WDPCP: variants seen among roughly 807,000 people sequenced by gnomAD.
WDPCP encodes the protein WD repeat-containing and planar cell polarity effector protein fritz homolog.
Under a neutral mutation model 93.1 loss-of-function variants are expected in WDPCP, and 71 were observed. The ratio of observed to expected loss-of-function variants is 0.76; its 90% CI spans 0.63 to 0.93. WDPCP has a LOEUF of 0.93. Ranked by LOEUF, WDPCP falls within the 40% of genes least tolerant of loss-of-function variation. WDPCP has a pLI of 0.00. For synonymous variants in WDPCP, 315 were observed against 315.0 expected, an observed-to-expected ratio of 1.00 and a Z score of 0.00; for missense variants, 844 against 887.4, an observed-to-expected ratio of 0.95 and a Z score of 0.62.
chr2:63,388,447 A>G lies in WDPCP; in HGVS notation c.1436-6353T>C, dbSNP rs1692930254. Among the ~76,000 whole-genome samples the G allele has an allele frequency of 2.0e-5, 3 of 152,232 alleles. No individual in the cohort carries two copies. The East Asian group carries it at 5.8e-4, about 29-fold the overall frequency. Reference sequence around the variant, plus strand: ...AAAACCACAGAGATGAGGAGAAATCAGAACAGAAAAGCTGAAAATTCTAAA... The same window carrying G: ...AAAACCACAGAGATGAGGAGAAATCGGAACAGAAAAGCTGAAAATTCTAAA... On this transcript the variant is annotated intron_variant, in intron 10 of 17. Coordinates refer to ENST00000272321, the MANE Select transcript of WDPCP (RefSeq NM_015910.7).
chr2:63,132,913 T>G (rs954012954), intron 17 of WDPCP, among the ~76,000 whole-genome samples: 37 of 152,198 alleles, frequency 2.4e-4, no homozygotes, highest in Non-Finnish European at 5.4e-4. Context: ...TTTCTTTTTA[T>G]GCATTGTGAT....
chr2:63,772,030 T>C (rs187050982), intron 2 of WDPCP, among the ~76,000 whole-genome samples: 2 of 152,180 alleles, frequency 1.3e-5, no homozygotes, highest in African/African-American at 2.4e-5. Flanking sequence ...GTCTTTTTTG[T>C]AGAATGACTT....
intron 6 of WDPCP, among the ~76,000 whole-genome samples, chr2:63,473,397 G>A (rs1699796961): frequency 6.6e-6 from 1 of 152,102 alleles, no homozygotes; most frequent in Admixed American, 6.6e-5. Flanking sequence ...TTCAAGTCCA[G>A]AAACCCTGTG....
intron 2 of WDPCP, among the ~76,000 whole-genome samples, chr2:63,806,607 T>C (rs910385362): frequency 6.6e-6 from 1 of 152,150 alleles, no homozygotes; most frequent in Admixed American, 6.5e-5. Context: ...GGGAGCGCTA[T>C]GGGAGACGAG....
chr2:63,507,181 T>C (rs772900654), intron 1 of WDPCP, among the ~76,000 whole-genome samples: 31 of 151,892 alleles, frequency 2.0e-4, no homozygotes, highest in Admixed American at 5.3e-4. Context: ...TTACAAAAGA[T>C]ACAATCCCTG....
At chr2:63,138,241 G>T (rs1417210641) in intron 17 of WDPCP, among the ~76,000 whole-genome samples, 1 of 151,904 alleles carries the variant, frequency 6.6e-6, no homozygotes, top group Admixed American at 6.6e-5. Flanking sequence ...TTTCCAGAGA[G>T]TGAATTACAG....
intron 3 of WDPCP, among the ~76,000 whole-genome samples, chr2:63,616,097 AC>A (rs1407783520): frequency 6.6e-6 from 1 of 152,220 alleles, no homozygotes. Flanking sequence ...TATGGAACAT[AC>A]TATAAATAAC....
At chr2:63,392,484 T>G (rs936140357) in intron 10 of WDPCP, among the ~76,000 whole-genome samples, 1 of 152,118 alleles carries the variant, frequency 6.6e-6, no homozygotes, top group Non-Finnish European at 1.5e-5. Flanking sequence ...AGGCAAGGAC[T>G]TCATGTCTAA....
intron 4 of WDPCP, 52 bp downstream of exon 4, chr2:63,486,490 T>C: frequency 6.8e-7 from 1 of 1,466,708 alleles, no homozygotes; most frequent in Non-Finnish European, 9.3e-7. Context: ...TATTTTATAA[T>C]ACTGAACTTT....
chr2:63,464,815 G>A (rs1699237991), intron 6 of WDPCP, among the ~76,000 whole-genome samples: 1 of 152,050 alleles, frequency 6.6e-6, no homozygotes, highest in Non-Finnish European at 1.5e-5. Context: ...ATTCCACTTA[G>A]ATGGGGTATC....
intron 12 of WDPCP, among the ~76,000 whole-genome samples, chr2:63,375,071 AG>A (rs1335797004): frequency 6.6e-6 from 1 of 152,102 alleles, no homozygotes; most frequent in Admixed American, 6.6e-5. Context: ...ACAGTTAAGA[AG>A]GGGGAAAAGT....
At chr2:63,287,823 G>A (rs748131663) in intron 13 of WDPCP, among the ~76,000 whole-genome samples, 19 of 152,256 alleles carry the variant, frequency 1.2e-4, no homozygotes, top group Admixed American at 3.3e-4. Context: ...TTCCAATTGG[G>A]AGAATTTAAA....
chr2:63,119,695 A>G lies in WDPCP; in HGVS notation c.*2311T>C, dbSNP rs553091904. On this transcript the variant is annotated 3_prime_UTR_variant, in exon 18 of 18. Transcript: ENST00000272321. ...CTCATGGGTCTATTCCTAAAGGACA[A>G]CCTGTGAACCTGTCAGTGCTAGGAC... Among the ~76,000 whole-genome samples, 1 of 152,316 alleles carries G rather than the reference A, an allele frequency of 6.6e-6. No homozygotes were observed. The highest frequency in any genetic ancestry group is 1.9e-4 in the East Asian group (1 of 5,180).
chr2:63,703,845 T>C (rs1320054420), intron 2 of WDPCP, among the ~76,000 whole-genome samples: 1 of 152,184 alleles, frequency 6.6e-6, no homozygotes, highest in Non-Finnish European at 1.5e-5. Flanking sequence ...AGAAAGTCAT[T>C]GGTAGCTTGA....
intron 3 of WDPCP, among the ~76,000 whole-genome samples, chr2:63,623,428 A>C (rs1225021934): frequency 2.6e-5 from 4 of 152,180 alleles, no homozygotes; most frequent in Non-Finnish European, 4.4e-5. Context: ...TGCTGTATTC[A>C]GGAGACCCAC....
At chr2:63,640,430 G>A (rs1322314147) in intron 3 of WDPCP, among the ~76,000 whole-genome samples, 1 of 152,290 alleles carries the variant, frequency 6.6e-6, no homozygotes, top group East Asian at 1.9e-4. Context: ...GCAGGTTGAG[G>A]CAGCAGTGAG....
chr2:63,150,933 C>G (rs2103803498), intron 17 of WDPCP, among the ~76,000 whole-genome samples: 1 of 152,290 alleles, frequency 6.6e-6, no homozygotes, highest in Non-Finnish European at 1.5e-5. Context: ...TGTATCTTAT[C>G]TGTACTTAAT....
intron 14 of WDPCP, among the ~76,000 whole-genome samples, chr2:63,255,721 TCA>T (rs1296482157): frequency 6.6e-6 from 1 of 152,162 alleles, no homozygotes; most frequent in East Asian, 1.9e-4. Flanking sequence ...TATAAATTAC[TCA>T]GTCTCAGGTA....
In WDPCP at chr2:63,711,302, G is replaced by A. The variant is rs562796574; in HGVS notation, n.309-60464C>T. On this transcript the variant is annotated intron_variant and non_coding_transcript_variant, in intron 2 of 4. Coordinates refer to the WDPCP transcript ENST00000467687. ...TCTGTTTTAGACCAAATATAAGGTA[G>A]TACCAGTAAAGTTTCACATATAGTT... is the stretch of plus-strand genomic sequence containing the variant. Among the ~76,000 whole-genome samples the A allele has an allele frequency of 3.3e-5, 5 of 152,260 alleles. No individual in the cohort carries two copies. The South Asian group carries it at 1.0e-3, about 32-fold the overall frequency.
Sources: gnomAD v4.1 joint callset for allele counts (sites outside exome capture counted in the v4.1 genomes callset) on GRCh38, gnomAD v4.1.1 for gene constraint, MANE v1.5 for transcripts, NCBI Gene and HGNC (gene_info 2026-07-23, HGNC 2026-07-21) for gene names.